The following B3GAT2 variants were observed in gnomAD, a reference collection of about 807,000 sequenced individuals.
The protein encoded by B3GAT2 is beta-1,3-glucuronyltransferase 2, also known as galactosylgalactosylxylosylprotein 3-beta-glucuronosyltransferase 2.
A neutral mutation model predicts 27.8 loss-of-function variants in B3GAT2; 26 were observed. The observed-to-expected ratio is 0.93, with a 90% CI of 0.68 to 1.30. The LOEUF (loss-of-function observed/expected upper bound fraction) is 1.30, where lower values mean the gene tolerates loss of function less well. Among genes scored for constraint, B3GAT2 ranks in the 50% most tolerant of loss-of-function variants. The pLI is 0.00. For synonymous variants in B3GAT2, 218 were observed against 195.1 expected (o/e 1.12, Z -0.98); for missense variants, 458 against 459.0 (o/e 1.00, Z 0.02).
At chr6:70,909,445 GATA>G (rs375164239) in intron 1 of B3GAT2, among the ~76,000 whole-genome samples, 195 of 152,306 alleles carry the variant, frequency 1.3e-3, no homozygotes, top group African/African-American at 4.4e-3. Context: ...GATTACCAGA[GATA>G]ATAAGGGGCT....
intron 1 of B3GAT2, among the ~76,000 whole-genome samples, chr6:70,939,875 C>T (rs1347326452): frequency 6.6e-6 from 1 of 151,350 alleles, no homozygotes; most frequent in Admixed American, 6.6e-5. Context: ...GCACATGTAC[C>T]CTAAAACTTA....
At chr6:70,938,539 C>G (rs1329602389) in intron 1 of B3GAT2, among the ~76,000 whole-genome samples, 1 of 150,942 alleles carries the variant, frequency 6.6e-6, no homozygotes, top group Admixed American at 6.6e-5. Flanking sequence ...CAGCATGGTA[C>G]TGGTACCAAA....
intron 1 of B3GAT2, among the ~76,000 whole-genome samples, chr6:70,923,823 A>G (rs949132016): frequency 2.0e-5 from 3 of 152,174 alleles, no homozygotes; most frequent in African/African-American, 7.2e-5. Flanking sequence ...GTACTGAATG[A>G]CATTGTGGAA....
Position 70,931,403 on chromosome 6 carries a change from A to T in B3GAT2, c.591+24436T>A, listed in dbSNP as rs545583534. Among the ~76,000 whole-genome samples the T allele has an allele frequency of 2.4e-3, 366 of 152,308 alleles. 4 individuals carry two copies. The highest frequency in any genetic ancestry group is 4.0e-3 in the Non-Finnish European group (273 of 68,022). ...GGGGGAGGCTTATTTATTTAATAATAAAGCTCCAGTCTCCCATTTAGCCAG... is the reference window on the plus strand; with the variant it reads ...GGGGGAGGCTTATTTATTTAATAATTAAGCTCCAGTCTCCCATTTAGCCAG... On this transcript the variant is annotated intron_variant, in intron 1 of 3. Transcript: ENST00000230053.
Position 70,956,726 on chromosome 6 carries a change from C to T in B3GAT2, c.-297G>A. The T allele has an allele frequency of 1.5e-6, 2 of 1,313,206 alleles. No individual in the cohort carries two copies. The highest frequency in any genetic ancestry group is 1.9e-6 in the Non-Finnish European group (2 of 1,030,622). The allele number at this position is 1,313,206 out of a possible 1,614,324, so 81.3% of individuals were successfully genotyped here. On this transcript the variant is annotated 5_prime_UTR_variant, in exon 1 of 4. Transcript: ENST00000230053. ...CGGTCCAGCCGCGCGCCGCCGGTCC[C>T]GGAGTTGTGCCGAGTGCGGGAAAGG...
At chr6:70,921,543 C>T (rs1483337429) in intron 1 of B3GAT2, among the ~76,000 whole-genome samples, 2 of 152,144 alleles carry the variant, frequency 1.3e-5, no homozygotes, top group African/African-American at 4.8e-5. Context: ...TGGGTTTCAA[C>T]TTTCTCCTGA....
At chr6:70,863,850 C>T (rs1771805923) in intron 2 of B3GAT2, among the ~76,000 whole-genome samples, 1 of 151,958 alleles carries the variant, frequency 6.6e-6, no homozygotes, top group Non-Finnish European at 1.5e-5. Flanking sequence ...GGGAAAGTTC[C>T]AGGTAGCAAA....
At position 70,861,491 on chromosome 6, in the gene B3GAT2, A is replaced by AGCTTATGTTAACTGAC. The variant is rs1479000975; in HGVS notation, c.*156_*171dup. On this transcript the variant is annotated 3_prime_UTR_variant, in exon 4 of 4. Coordinates refer to ENST00000230053, the MANE Select transcript of B3GAT2 (RefSeq NM_080742.3). Reference sequence around the variant, plus strand: ...TACATTTTGTACCAACCATCCAATTAGCTTATGTTAACTGACAAGCTCCAT... The same window carrying AGCTTATGTTAACTGAC: ...TACATTTTGTACCAACCATCCAATTAGCTTATGTTAACTGACGCTTATGTTAACTGACAAGCTCCAT... 26 of 609,294 alleles carry AGCTTATGTTAACTGAC rather than the reference A, an allele frequency of 4.3e-5. No homozygotes were observed. In the African/African-American group the frequency reaches 4.6e-4, roughly 11 times the overall value. The allele number at this position is 609,294 out of a possible 1,614,324, so 37.7% of individuals were successfully genotyped here. A position where few individuals can be genotyped will look rare whatever the true frequency, so the allele number is the denominator to read the frequency against.
At position 70,956,706 on chromosome 6, in the gene B3GAT2, C is replaced by T; in HGVS notation, c.-277G>A. The T allele has an allele frequency of 1.5e-6, 2 of 1,307,014 alleles. No individual in the cohort carries two copies. The highest frequency in any genetic ancestry group is 3.0e-4 in the Middle Eastern group (1 of 3,324). The allele number at this position is 1,307,014 out of a possible 1,614,324, so 81.0% of individuals were successfully genotyped here. On this transcript the variant is annotated 5_prime_UTR_variant, in exon 1 of 4. Transcript: ENST00000230053. Reference sequence around the variant, plus strand: ...AGCTGGCGGGAAGCGGGACTCGGTCCAGCCGCGCGCCGCCGGTCCCGGAGT... The same window carrying T: ...AGCTGGCGGGAAGCGGGACTCGGTCTAGCCGCGCGCCGCCGGTCCCGGAGT...
chr6:70,911,280 T>A (rs1210719617), intron 1 of B3GAT2, among the ~76,000 whole-genome samples: 1 of 152,206 alleles, frequency 6.6e-6, no homozygotes, highest in Admixed American at 6.5e-5. Context: ...TCTAGGGTTT[T>A]ATAGTTTTTA....
intron 1 of B3GAT2, among the ~76,000 whole-genome samples, chr6:70,909,469 T>A (rs1325982774): frequency 1.3e-5 from 2 of 152,182 alleles, no homozygotes; most frequent in Non-Finnish European, 2.9e-5. Flanking sequence ...TTTAAAAATA[T>A]ATACACTGGA....
intron 2 of B3GAT2, among the ~76,000 whole-genome samples, chr6:70,879,062 C>A (rs1013539703): frequency 2.0e-5 from 3 of 152,212 alleles, no homozygotes; most frequent in African/African-American, 7.2e-5. Context: ...TAGTTACTAT[C>A]CACTTTTAAT....
intron 1 of B3GAT2, among the ~76,000 whole-genome samples, chr6:70,918,913 C>G (rs576994603): frequency 3.0e-4 from 46 of 152,192 alleles, no homozygotes; most frequent in Admixed American, 1.1e-3. Context: ...GTGGTGTTCT[C>G]TGTATTTCCT....
chr6:70,942,440 T>C (rs1010462818), intron 1 of B3GAT2, among the ~76,000 whole-genome samples: 10 of 152,194 alleles, frequency 6.6e-5, no homozygotes, highest in African/African-American at 2.2e-4. Context: ...GTTTTCTCTC[T>C]CTGGAGGGCT....
At chr6:70,950,122 T>C (rs1300566140) in intron 1 of B3GAT2, among the ~76,000 whole-genome samples, 1 of 151,660 alleles carries the variant, frequency 6.6e-6, no homozygotes, top group Non-Finnish European at 1.5e-5. Flanking sequence ...AGTTAATGGG[T>C]GCAGCACACC....
Position 70,929,879 on chromosome 6 carries a change from T to G in B3GAT2, c.591+25960A>C, listed in dbSNP as rs1324466748. Among the ~76,000 whole-genome samples the G allele has an allele frequency of 2.0e-5, 3 of 152,068 alleles. No individual in the cohort carries two copies. In the East Asian group the frequency reaches 5.8e-4, roughly 29 times the overall value. ...TATGGAACCAAAAAAGAGCCCACAT[T>G]GCCAAGACAATCCTAAGCAAAAAGA... On this transcript the variant is annotated intron_variant, in intron 1 of 3. Transcript: ENST00000230053.
At chr6:70,898,849 G>C (rs1258659839) in intron 1 of B3GAT2, among the ~76,000 whole-genome samples, 2 of 152,100 alleles carry the variant, frequency 1.3e-5, no homozygotes, top group African/African-American at 4.8e-5. Context: ...TGTAGTTCCA[G>C]CTACTTGGGA....
rs1029245325 is a variant in B3GAT2 at position 70,956,538 on chromosome 6, G to A, written c.-109C>T. Reference sequence around the variant, plus strand: ...CAGCACTTAGGGAGTGGTGATGGGTGCGCTGTCCATGGGGCCGAGGGCGCT... The same window carrying A: ...CAGCACTTAGGGAGTGGTGATGGGTACGCTGTCCATGGGGCCGAGGGCGCT... On this transcript the variant is annotated 5_prime_UTR_variant, in exon 1 of 4. Coordinates refer to ENST00000230053, the MANE Select transcript of B3GAT2 (RefSeq NM_080742.3). The A allele has an allele frequency of 1.3e-6, 2 of 1,514,182 alleles. No homozygotes were observed. The highest frequency in any genetic ancestry group is 1.3e-5 in the South Asian group (1 of 76,818). The allele number at this position is 1,514,182 out of a possible 1,614,324, so 93.8% of individuals were successfully genotyped here. A position where few individuals can be genotyped will look rare whatever the true frequency, so the allele number is the denominator to read the frequency against.
chr6:70,944,929 C>G (rs1218538581), intron 1 of B3GAT2, among the ~76,000 whole-genome samples: 1 of 152,198 alleles, frequency 6.6e-6, no homozygotes, highest in African/African-American at 2.4e-5. Flanking sequence ...ATACGCTGTT[C>G]TGCAGCCACC....
Sources: allele counts gnomAD v4.1 joint callset (sites outside exome capture counted in the v4.1 genomes callset), GRCh38; gene constraint gnomAD v4.1.1; transcripts MANE v1.5; gene names NCBI Gene and HGNC (gene_info 2026-07-23, HGNC 2026-07-21).